The following MAST4 variants were observed in gnomAD, a reference collection of about 807,000 sequenced individuals.
MAST4 encodes microtubule associated serine/threonine kinase family member 4.
In MAST4, 89 loss-of-function variants were observed where a neutral mutation model predicts 162.7. The observed-to-expected ratio is 0.55, with a 90% confidence interval of 0.46 to 0.65. The LOEUF (loss-of-function observed/expected upper bound fraction) is 0.65. Ranked by LOEUF, MAST4 falls within the 30% of genes least tolerant of loss-of-function variation. The probability of loss-of-function intolerance (pLI) is 0.00; values close to 1 mark genes in which losing one functional copy is unlikely to be tolerated. For missense variants in MAST4, 3,153 were observed against 3,374.0 expected (o/e 0.93, Z 1.62); for synonymous variants, 1,479 against 1,361.1 (o/e 1.09, Z -1.91).
intron 3 of MAST4, among the ~76,000 whole-genome samples, chr5:66,863,683 G>T (rs1392636709): frequency 6.6e-6 from 1 of 152,148 alleles, no homozygotes; most frequent in East Asian, 1.9e-4. Context: ...TCAGCCCCAT[G>T]GGGAGATCCT....
intron 3 of MAST4, among the ~76,000 whole-genome samples, chr5:66,797,090 C>CA (rs1755687482): frequency 6.6e-6 from 1 of 152,204 alleles, no homozygotes; most frequent in African/African-American, 2.4e-5. Context: ...CTGGTGTGGA[C>CA]AGGTTCCCCT....
At chr5:66,900,187 A>G (rs1055259586) in intron 4 of MAST4, among the ~76,000 whole-genome samples, 1 of 152,124 alleles carries the variant, frequency 6.6e-6, no homozygotes, top group Non-Finnish European at 1.5e-5. Flanking sequence ...TTGCAAACCT[A>G]AATGTATATT....
chr5:66,847,087 G>A (rs1758908529), intron 3 of MAST4, among the ~76,000 whole-genome samples: 1 of 152,124 alleles, frequency 6.6e-6, no homozygotes, highest in Non-Finnish European at 1.5e-5. Context: ...GAGCTATATT[G>A]AGTGTTTAAA....
At chr5:66,863,459 G>A (rs1040388310) in intron 3 of MAST4, among the ~76,000 whole-genome samples, 1 of 152,260 alleles carries the variant, frequency 6.6e-6, no homozygotes, top group Non-Finnish European at 1.5e-5. Flanking sequence ...TTCCGGCTTC[G>A]GTCTGACCTC....
chr5:66,917,186 T>G, intron 4 of MAST4: 1 of 536,704 alleles, frequency 1.9e-6, no homozygotes, highest in Non-Finnish European at 3.4e-6. Context: ...TTGCATTTCC[T>G]TCACTACCAC....
chr5:66,904,560 T>C (rs1185260211), intron 4 of MAST4, among the ~76,000 whole-genome samples: 2 of 152,220 alleles, frequency 1.3e-5, no homozygotes, highest in East Asian at 3.8e-4. Context: ...CATGGCCTTG[T>C]AGGTCCGGGA....
At position 67,090,815 on chromosome 5, in the gene MAST4, T is replaced by G. The variant is rs537671949; in HGVS notation, c.833+584T>G. 3.3e-5 allele frequency among the ~76,000 whole-genome samples: 5 copies of G among 151,996 alleles called. No individual in the cohort carries two copies. The East Asian group carries it at 9.9e-4, about 30-fold the overall frequency. ...CATGTTCATTGTGGATTTTCTGCTA[T>G]GACGTAGCCAAGTCAGAGGAGTGTG... is the stretch of plus-strand genomic sequence containing the variant. On this transcript the variant is annotated intron_variant, in intron 6 of 28. Transcript: ENST00000403625.
chr5:67,052,742 C>T (rs995856681), intron 4 of MAST4, among the ~76,000 whole-genome samples: 6 of 151,894 alleles, frequency 4.0e-5, no homozygotes, highest in East Asian at 1.9e-4. Flanking sequence ...ATGCTAAACA[C>T]GAAAAAATGT....
rs33928003 is a variant in MAST4, at chr5:66,609,052, ATTTT to A, written c.363+12050_363+12053del. On this transcript the variant is annotated intron_variant, in intron 1 of 28. Transcript: ENST00000403625. ...GTGGAATTGGATCTTTCTCCCTTAGATTTTTTTTTTTTTTTTTTTCCCTGTAAAT... is the reference window on the plus strand; with the variant it reads ...GTGGAATTGGATCTTTCTCCCTTAGATTTTTTTTTTTTTTTCCCTGTAAAT... Among the ~76,000 whole-genome samples the A allele has an allele frequency of 7.4e-3, 966 of 130,106 alleles. 11 individuals carry two copies. Among genetic ancestry groups the A allele is most frequent in the African/African-American group, 0.023 (830 of 35,556 alleles). The allele number at this position is 130,106 out of a possible 152,430, so 85.4% of individuals were successfully genotyped here. A position where few individuals can be genotyped will look rare whatever the true frequency, so the allele number is the denominator to read the frequency against.
intron 4 of MAST4, among the ~76,000 whole-genome samples, chr5:67,006,419 C>A (rs1045727159): frequency 6.6e-6 from 1 of 152,220 alleles, no homozygotes; most frequent in Non-Finnish European, 1.5e-5. Flanking sequence ...TGCACCAAAC[C>A]TCCAAGACAA....
At chr5:67,001,673 G>T (rs1751315236) in intron 4 of MAST4, 1 of 152,126 alleles carries the variant, frequency 6.6e-6, no homozygotes, top group Non-Finnish European at 1.5e-5. Context: ...TATAGGTTAT[G>T]CCCCAATACA....
chr5:66,794,395 G>C (rs181055839), intron 3 of MAST4, among the ~76,000 whole-genome samples: 2 of 152,290 alleles, frequency 1.3e-5, no homozygotes, highest in East Asian at 3.9e-4. Context: ...AGGATTAAAT[G>C]AATGAACTCT....
chr5:66,948,698 G>A (rs1744321927), intron 4 of MAST4, among the ~76,000 whole-genome samples: 2 of 152,148 alleles, frequency 1.3e-5, no homozygotes, highest in African/African-American at 4.8e-5. Context: ...ATGGCCCAGA[G>A]TAATTTGAAT....
intron 1 of MAST4, among the ~76,000 whole-genome samples, chr5:66,732,469 G>GC (rs1751912892): frequency 6.6e-6 from 1 of 152,176 alleles, no homozygotes; most frequent in African/African-American, 2.4e-5. Flanking sequence ...ACCACTCGCT[G>GC]CATCTTGTGT....
In MAST4 at chr5:67,162,649, T is replaced by C. The variant is rs1156820563; in HGVS notation, c.3828T>C (p.Pro1276=). The stretch of plus-strand genomic sequence containing the variant: ...AAAAGCTAGCCAAGCAGCCTTCTCC[T>C]TTACTCCACACCAGCCGAAGTTTCT... ...LFKKLAKQPS[P]LLHTSRSFSC... The change falls in exon 28 of 29, where the codon CCT becomes CCC. Residue 1276 remains proline, a synonymous_variant. Transcript: ENST00000403625. The C allele has an allele frequency of 9.3e-6, 15 of 1,613,864 alleles. No individual in the cohort carries two copies. Among genetic ancestry groups the C allele is most frequent in the African/African-American group, 1.3e-5 (1 of 74,908 alleles).
chr5:66,872,750 G>A (rs563735528), intron 3 of MAST4, among the ~76,000 whole-genome samples: 2 of 152,230 alleles, frequency 1.3e-5, no homozygotes, highest in African/African-American at 4.8e-5. Flanking sequence ...AGAGTACGGC[G>A]GGGCCTTCTT....
intron 1 of MAST4, among the ~76,000 whole-genome samples, chr5:66,726,343 A>AT (rs1207843231): frequency 1.3e-5 from 2 of 152,136 alleles, no homozygotes; most frequent in African/African-American, 4.8e-5. Flanking sequence ...ACTTAACCAC[A>AT]TTCCAAGGTT....
intron 1 of MAST4, among the ~76,000 whole-genome samples, chr5:66,674,401 T>G (rs972539420): frequency 6.6e-6 from 1 of 152,216 alleles, no homozygotes; most frequent in African/African-American, 2.4e-5. Context: ...CAAGGATACA[T>G]GACTACTACT....
At chr5:66,668,237 C>T (rs1363564055) in intron 1 of MAST4, among the ~76,000 whole-genome samples, 3 of 152,194 alleles carry the variant, frequency 2.0e-5, no homozygotes. Flanking sequence ...ATGTAGGGAA[C>T]TCTAATTTCT....
Sources: gnomAD v4.1 joint callset for allele counts (sites outside exome capture counted in the v4.1 genomes callset) on GRCh38, gnomAD v4.1.1 for gene constraint, MANE v1.5 for transcripts, NCBI Gene and HGNC (gene_info 2026-07-23, HGNC 2026-07-21) for gene names.